Variants in ESR2 observed in about 807,000 individuals in gnomAD.
ESR2 encodes the protein estrogen receptor 2.
A neutral mutation model predicts 49.6 loss-of-function variants in ESR2; 36 were observed. The observed-to-expected ratio is 0.73, with a 90% CI of 0.56 to 0.96. ESR2 has a LOEUF of 0.96. Among genes scored for constraint, ESR2 ranks in the 40% least tolerant of loss-of-function variants. The pLI is 0.00. For synonymous variants in ESR2, 320 were observed against 266.1 expected, an observed-to-expected ratio of 1.20 and a Z score of -1.97; for missense variants, 714 against 693.0, an observed-to-expected ratio of 1.03 and a Z score of -0.34.
At chr14:64,296,501 A>C (rs1399138719), upstream of ESR2, among the ~76,000 whole-genome samples, 2 of 152,242 alleles carry the variant, frequency 1.3e-5, no homozygotes, top group Admixed American at 6.5e-5. Context: ...ATGTTCAGGA[A>C]GGTTAAACAA....
In ESR2 at chr14:64,252,576, G is replaced by T. The variant is rs140250203; in HGVS notation, c.1092-2897C>A. ...GTTCTGCATGGCTGGGGAGGCCTCA[G>T]GAAACTTACAATCATGGCAGAGAGC... On this transcript the variant is annotated intron_variant, in intron 6 of 8. Coordinates refer to ENST00000341099, the MANE Select transcript of ESR2 (RefSeq NM_001437.3). 8.3e-3 allele frequency among the ~76,000 whole-genome samples: 1,263 copies of T among 152,258 alleles called. 22 individuals are homozygous for T. Among genetic ancestry groups the T allele is most frequent in the African/African-American group, 0.029 (1,195 of 41,528 alleles).
chr14:64,268,715 C>A (rs904386265), intron 4 of ESR2, 80 bp downstream of exon 4: 2 of 796,118 alleles, frequency 2.5e-6, no homozygotes, highest in East Asian at 4.9e-5. Flanking sequence ...TCTCTTTTCC[C>A]GGCTACCTGT....
chr14:64,280,150 CTCTCTAGGG>C lies in ESR2; in HGVS notation c.363-6_365del. On this transcript the variant is annotated splice_acceptor_variant and splice_polypyrimidine_tract_variant and coding_sequence_variant and intron_variant, in exon 3 of 9. Coordinates refer to ENST00000341099, the MANE Select transcript of ESR2 (RefSeq NM_001437.3). LOFTEE classifies it high-confidence loss of function. ...TCCCACTAACCTTCCTTTTCAGTGT[CTCTCTAGGG>C]AGCAAAGAAAATATCCATTGAACAG... 5 of 1,613,328 alleles carry C rather than the reference CTCTCTAGGG, an allele frequency of 3.1e-6. No homozygotes were observed. Among genetic ancestry groups the C allele is most frequent in the Non-Finnish European group, 4.2e-6 (5 of 1,179,408 alleles).
At chr14:64,313,663 G>A (rs1363553391) in intron 1 of ESR2, among the ~76,000 whole-genome samples, 4 of 151,890 alleles carry the variant, frequency 2.6e-5, no homozygotes, top group Non-Finnish European at 5.9e-5. Flanking sequence ...GCTGAGGCGG[G>A]TGGATCACAA....
intron 4 of ESR2, among the ~76,000 whole-genome samples, chr14:64,263,429 G>T (rs971383105): frequency 2.6e-5 from 4 of 152,100 alleles, no homozygotes; most frequent in African/African-American, 9.7e-5. Flanking sequence ...GGCCAAGGTG[G>T]GCGGATCACC....
At chr14:64,251,234 T>G (rs538108052) in intron 6 of ESR2, among the ~76,000 whole-genome samples, 97 of 151,702 alleles carry the variant, frequency 6.4e-4, no homozygotes, top group Admixed American at 1.6e-3. Flanking sequence ...CAATTAATTA[T>G]TGGAAATTGT....
At chr14:64,270,697 A>G (rs2076427496) in intron 3 of ESR2, among the ~76,000 whole-genome samples, 1 of 152,080 alleles carries the variant, frequency 6.6e-6, no homozygotes, top group African/African-American at 2.4e-5. Flanking sequence ...TTTAGTAGAG[A>G]CGGGGTTTGG....
chr14:64,253,576 G>A (rs2076032863), intron 6 of ESR2, among the ~76,000 whole-genome samples: 1 of 131,506 alleles, frequency 7.6e-6, no homozygotes, highest in South Asian at 2.3e-4. Flanking sequence ...GTGTGTGTGT[G>A]TGTGTGTGTG....
rs932751983 is a variant in ESR2 at position 64,278,086 on chromosome 14, G to T, written c.535+1895C>A. Among the ~76,000 whole-genome samples the T allele has an allele frequency of 2.6e-5, 4 of 152,258 alleles. No homozygotes were observed. In the South Asian group the frequency reaches 6.2e-4, roughly 24 times the overall value. On this transcript the variant is annotated intron_variant, in intron 3 of 8. Transcript: ENST00000341099. ...CTCAGCAAGATACAAAATAGTCATC[G>T]TATCAAGAATTCAGTTCAGAATTTC...
At chr14:64,303,715 G>A (rs566873881) in intron 1 of ESR2, 16 of 152,192 alleles carry the variant, frequency 1.1e-4, no homozygotes, top group Non-Finnish European at 2.4e-4. Flanking sequence ...TGTGTAACAT[G>A]TTGAAATATA....
At chr14:64,326,622 G>A (rs941726661) in intron 1 of ESR2, among the ~76,000 whole-genome samples, 1 of 151,968 alleles carries the variant, frequency 6.6e-6, no homozygotes, top group Non-Finnish European at 1.5e-5. Flanking sequence ...TTTTTCTCAA[G>A]AGCCAGTTTA....
intron 6 of ESR2, among the ~76,000 whole-genome samples, chr14:64,254,948 T>A (rs1457401177): frequency 6.6e-6 from 1 of 152,116 alleles, no homozygotes; most frequent in Non-Finnish European, 1.5e-5. Context: ...ACTTAAGTTA[T>A]AAAGGCAGTG....
chr14:64,325,159 T>C (rs572274794), intron 1 of ESR2, among the ~76,000 whole-genome samples: 20 of 152,326 alleles, frequency 1.3e-4, no homozygotes, highest in African/African-American at 4.8e-4. Context: ...CTTGCCTAGC[T>C]CTGACATCAT....
intron 2 of ESR2, among the ~76,000 whole-genome samples, chr14:64,280,858 A>C (rs2076651981): frequency 6.6e-6 from 1 of 152,126 alleles, no homozygotes; most frequent in African/African-American, 2.4e-5. Flanking sequence ...AAAAATACAA[A>C]AATTAGCCAG....
intron 1 of ESR2, among the ~76,000 whole-genome samples, chr14:64,306,200 CT>C (rs1384073448): frequency 6.8e-6 from 1 of 147,604 alleles, no homozygotes; most frequent in Non-Finnish European, 1.5e-5. Flanking sequence ...GAAACTCCAT[CT>C]CAAAAAAAAA....
intron 1 of ESR2, among the ~76,000 whole-genome samples, chr14:64,318,537 CAAAAAAAAAA>C (rs58597271): frequency 8.3e-3 from 268 of 32,422 alleles, no homozygotes; most frequent in African/African-American, 0.024. Context: ...AACTCCATCT[CAAAAAAAAAA>C]AAAAAAAAAA....
intron 1 of ESR2, among the ~76,000 whole-genome samples, chr14:64,314,183 CCACAGTGGAAT>C (rs1166485316): frequency 4.0e-5 from 6 of 151,498 alleles, no homozygotes; most frequent in Non-Finnish European, 7.4e-5. Context: ...TGATTTCTGA[CCACAGTGGAAT>C]CAAACTAGAA....
chr14:64,298,847 TAA>T (rs747441253), upstream of ESR2, among the ~76,000 whole-genome samples: 14 of 152,190 alleles, frequency 9.2e-5, no homozygotes, highest in Non-Finnish European at 1.6e-4. Flanking sequence ...TTGCATACCT[TAA>T]GTTTCTAATT....
chr14:64,257,432 A>C (rs965737371), intron 5 of ESR2, 68 bp from the exon 6 acceptor site: 2 of 1,580,554 alleles, frequency 1.3e-6, no homozygotes, highest in African/African-American at 2.7e-5. Flanking sequence ...GTGTAGAGAC[A>C]GAATGGCAAG....
Sources: gnomAD v4.1 joint callset for allele counts (sites outside exome capture counted in the v4.1 genomes callset) on GRCh38, gnomAD v4.1.1 for gene constraint, MANE v1.5 for transcripts, NCBI Gene and HGNC (gene_info 2026-07-23, HGNC 2026-07-21) for gene names.